RADIL: variants seen among roughly 807,000 people sequenced by gnomAD.
RADIL encodes Rap associating with DIL domain.
RADIL carries 99 observed loss-of-function variants against 97.6 expected under a neutral mutation model. The observed-to-expected ratio is 1.01, with a 90% CI of 0.86 to 1.20. RADIL has a LOEUF of 1.20. Ranked by LOEUF, RADIL falls within the 50% of genes most tolerant of loss-of-function variation. RADIL has a pLI of 0.00. For missense variants in RADIL, 1,765 were observed against 1,498.9 expected, an observed-to-expected ratio of 1.18 and a Z score of -2.93; for synonymous variants, 803 against 691.8, an observed-to-expected ratio of 1.16 and a Z score of -2.52.
chr7:4,853,358 T>G (rs1317286027), intron 2 of RADIL, among the ~76,000 whole-genome samples: 1 of 152,210 alleles, frequency 6.6e-6, no homozygotes, highest in Non-Finnish European at 1.5e-5. Flanking sequence ...CAGGTGGGCC[T>G]CACCTAAACA....
rs1411138293 is a variant in RADIL, at chr7:4,840,120, G to A, written c.536-3515C>T. Among the ~76,000 whole-genome samples, 1 of 152,152 alleles carries A rather than the reference G, an allele frequency of 6.6e-6. No individual in the cohort carries two copies. Among genetic ancestry groups the A allele is most frequent in the African/African-American group, 2.4e-5 (1 of 41,434 alleles). ...TTGCTCACGTGTGGCTTTGTGACTTGGCCCTGTCCCAAGATGAGGCTGCGG... is the reference window on the plus strand; with the variant it reads ...TTGCTCACGTGTGGCTTTGTGACTTAGCCCTGTCCCAAGATGAGGCTGCGG... On this transcript the variant is annotated intron_variant, in intron 2 of 14. Coordinates refer to ENST00000399583, the MANE Select transcript of RADIL (RefSeq NM_018059.5). The surrounding 1 kb of genome is among the most constrained non-coding windows in gnomAD (Gnocchi z 5.6).
In RADIL at chr7:4,835,325, C is replaced by T; in HGVS notation, c.784-86G>A. On this transcript the variant is annotated intron_variant, in intron 3 of 14. Coordinates refer to ENST00000399583, the MANE Select transcript of RADIL (RefSeq NM_018059.5). The surrounding 1 kb of genome is among the most constrained non-coding windows in gnomAD (Gnocchi z 5.8). ...CGTGTCTAGTCACTGGTTGCTGAAG[C>T]AGCGTGGCTGGGATGCTGTCGCCAC... 1 of 1,517,670 alleles carries T rather than the reference C, an allele frequency of 6.6e-7. No individual in the cohort carries two copies. Among genetic ancestry groups the T allele is most frequent in the South Asian group, 1.2e-5 (1 of 81,508 alleles). 94.0% of individuals were successfully genotyped at this position (1,517,670 alleles called of 1,614,324 possible).
chr7:4,827,381 C>G (rs534188113), intron 5 of RADIL, among the ~76,000 whole-genome samples: 1 of 150,066 alleles, frequency 6.7e-6, no homozygotes, highest in Non-Finnish European at 1.5e-5. Flanking sequence ...AAAAAAGGGC[C>G]GGGTGCGGTG....
chr7:4,827,627 C>T (rs775479654), intron 5 of RADIL, among the ~76,000 whole-genome samples: 33 of 152,206 alleles, frequency 2.2e-4, no homozygotes, highest in South Asian at 8.3e-4. Flanking sequence ...TGCCACTGTA[C>T]TCCAGCCTGG....
chr7:4,875,470 C>T (rs1338373791), intron 2 of RADIL, among the ~76,000 whole-genome samples: 4 of 152,164 alleles, frequency 2.6e-5, no homozygotes, highest in Non-Finnish European at 5.9e-5. Flanking sequence ...CACCATCCTA[C>T]ACTGGCAGTC....
At chr7:4,812,858 C>T (rs955001796) in intron 9 of RADIL, among the ~76,000 whole-genome samples, 6 of 152,212 alleles carry the variant, frequency 3.9e-5, no homozygotes, top group Admixed American at 3.9e-4. Flanking sequence ...CATTCTCTTT[C>T]TTACCTCATG....
chr7:4,880,659 C>T lies in RADIL; in HGVS notation c.-64-2456G>A, dbSNP rs1416237456. Among the ~76,000 whole-genome samples, 1 of 152,202 alleles carries T rather than the reference C, an allele frequency of 6.6e-6. No individual in the cohort carries two copies. The highest frequency in any genetic ancestry group is 2.4e-5 in the African/African-American group (1 of 41,456). On this transcript the variant is annotated intron_variant, in intron 1 of 14. Transcript: ENST00000399583. The surrounding 1 kb of genome is among the most constrained non-coding windows in gnomAD (Gnocchi z 4.5). The stretch of plus-strand genomic sequence containing the variant: ...CATAGTGCTCATTTCCAACGGGTTC[C>T]CCAGGGTGCAAAGGCAAAGTGCAGG...
chr7:4,865,582 G>A (rs1784113027), intron 2 of RADIL: 11 of 794,578 alleles, frequency 1.4e-5, no homozygotes, highest in East Asian at 4.8e-5. Context: ...AAGGGACCTC[G>A]GATGTCACAG....
chr7:4,836,714 G>T, intron 2 of RADIL, 109 bp from the exon 3 acceptor site: 1 of 1,444,692 alleles, frequency 6.9e-7, no homozygotes, highest in Non-Finnish European at 9.4e-7. Context: ...GAGGTGGGGG[G>T]ATCGCCTGAG....
In RADIL at chr7:4,813,736, T is replaced by C. The variant is rs1007671228; in HGVS notation, c.2139+1542A>G. Among the ~76,000 whole-genome samples, 4 of 152,218 alleles carry C rather than the reference T, an allele frequency of 2.6e-5. No homozygotes were observed. The highest frequency in any genetic ancestry group is 9.6e-5 in the African/African-American group (4 of 41,462). ...CGCTCACGCCTTTCAACAGATGACT[T>C]TGTGTTTCTTTCCGGCTGTGCGGGC... On this transcript the variant is annotated intron_variant, in intron 9 of 14. Transcript: ENST00000399583. The surrounding 1 kb of genome is among the most constrained non-coding windows in gnomAD (Gnocchi z 5.0).
At position 4,840,657 on chromosome 7, in the gene RADIL, G is replaced by C. The variant is rs892591309; in HGVS notation, c.536-4052C>G. On this transcript the variant is annotated intron_variant, in intron 2 of 14. Transcript: ENST00000399583. The surrounding 1 kb of genome is among the most constrained non-coding windows in gnomAD (Gnocchi z 5.6). ...CGCCAACATGAAATAAGTTCAGTGA[G>C]AAATACATCATCAAGAAACCACTAT... 6.6e-6 allele frequency among the ~76,000 whole-genome samples: 1 copy of C among 152,150 alleles called. No homozygotes were observed. The highest frequency in any genetic ancestry group is 1.5e-5 in the Non-Finnish European group (1 of 68,030).
At chr7:4,812,507 TG>T (rs1782574178) in intron 9 of RADIL, among the ~76,000 whole-genome samples, 1 of 152,016 alleles carries the variant, frequency 6.6e-6, no homozygotes. Context: ...CTGCAGCCTC[TG>T]CCCCCCAGGT....
At chr7:4,871,190 T>G (rs928255561) in intron 2 of RADIL, among the ~76,000 whole-genome samples, 1 of 152,232 alleles carries the variant, frequency 6.6e-6, no homozygotes, top group African/African-American at 2.4e-5. Context: ...GGAAGGGAAG[T>G]CCCAGTTAAG....
At chr7:4,862,811 T>C (rs1388795247) in intron 2 of RADIL, among the ~76,000 whole-genome samples, 1 of 151,684 alleles carries the variant, frequency 6.6e-6, no homozygotes, top group Non-Finnish European at 1.5e-5. Context: ...GCAGGAGAAT[T>C]GCTTGAACCT....
chr7:4,799,882 G>A (rs1351812164), intron 13 of RADIL, 113 bp from the exon 14 acceptor site: 2 of 1,393,344 alleles, frequency 1.4e-6, no homozygotes, highest in African/African-American at 2.9e-5. Context: ...ATCCAGCCAG[G>A]CCCACTCATG....
intron 2 of RADIL, among the ~76,000 whole-genome samples, chr7:4,841,879 C>T (rs534886720): frequency 3.3e-5 from 5 of 152,132 alleles, no homozygotes; most frequent in Admixed American, 6.5e-5. Flanking sequence ...TGATCAACAT[C>T]GCCAAGTCTC....
At chr7:4,829,770 C>A (rs1258246959) in intron 5 of RADIL, among the ~76,000 whole-genome samples, 1 of 152,148 alleles carries the variant, frequency 6.6e-6, no homozygotes, top group Non-Finnish European at 1.5e-5. Context: ...CACTCTCTCG[C>A]CTGCCACCAT....
In RADIL at chr7:4,877,762, C is replaced by A; in HGVS notation, c.378G>T (p.Trp126Cys). The A allele has an allele frequency of 6.2e-7, 1 of 1,613,270 alleles. No homozygotes were observed. ...VGQAGDAGQR[W>C]QARCFRVFGD... ...CAAACACCCGAAAGCACCGGGCCTG[C>A]CACCGCTGCCCAGCATCGCCGGCTT... The change falls in exon 2 of 15, where the codon TGG becomes TGT. Residue 126 changes from tryptophan (W) to cysteine (C), a missense_variant. Trp to Cys is a radical substitution (Grantham distance 215). Coordinates refer to ENST00000399583, the MANE Select transcript of RADIL (RefSeq NM_018059.5).
rs764162135 is a variant in RADIL at position 4,878,170 on chromosome 7, G to A, written c.-31C>T. 1 of 1,497,000 alleles carries A rather than the reference G, an allele frequency of 6.7e-7. No homozygotes were observed. Among genetic ancestry groups the A allele is most frequent in the South Asian group, 1.3e-5 (1 of 77,088 alleles). The allele number at this position is 1,497,000 out of a possible 1,614,324, so 92.7% of individuals were successfully genotyped here. A position where few individuals can be genotyped will look rare whatever the true frequency, so the allele number is the denominator to read the frequency against. On this transcript the variant is annotated 5_prime_UTR_variant, in exon 2 of 15. Transcript: ENST00000399583. The surrounding 1 kb of genome is among the most constrained non-coding windows in gnomAD (Gnocchi z 4.1). The stretch of plus-strand genomic sequence containing the variant: ...GTGAGGCTTCATGGATGAGGACTGT[G>A]GGCTTCAGCCAAAGGATGTGGGGAG...
Sources: gnomAD v4.1 joint callset for allele counts (sites outside exome capture counted in the v4.1 genomes callset) on GRCh38, gnomAD v4.1.1 for gene constraint, Gnocchi (gnomAD v3.1) non-coding constraint, MANE v1.5 for transcripts, NCBI Gene and HGNC (gene_info 2026-07-23, HGNC 2026-07-21) for gene names.